Variants in HSF2 observed in about 807,000 individuals in gnomAD.
HSF2 encodes heat shock transcription factor 2, also known as heat shock factor protein 2.
HSF2 carries 21 observed loss-of-function variants against 65.0 expected under a neutral mutation model. The ratio of observed to expected loss-of-function variants is 0.32; its 90% CI spans 0.23 to 0.47. HSF2 has a LOEUF of 0.47. Ranked by LOEUF, HSF2 falls within the 20% of genes least tolerant of loss-of-function variation. The pLI is 1.00. For synonymous variants in HSF2, 225 were observed against 219.1 expected, an observed-to-expected ratio of 1.03 and a Z score of -0.24; for missense variants, 499 against 628.1, an observed-to-expected ratio of 0.79 and a Z score of 2.20.
At chr6:122,426,461 C>G (rs1237656475) in intron 10 of HSF2, among the ~76,000 whole-genome samples, 4 of 152,060 alleles carry the variant, frequency 2.6e-5, no homozygotes, top group African/African-American at 9.7e-5. Flanking sequence ...GCTTACAGTG[C>G]TGGTCCTCCT....
At chr6:122,412,352 T>G in intron 1 of HSF2, 21 bp from the exon 2 acceptor site, 2 of 611,454 alleles carry the variant, frequency 3.3e-6, no homozygotes, top group Non-Finnish European at 4.8e-6. Flanking sequence ...TTACTTTTTC[T>G]TTTTTTTTTT....
chr6:122,418,186 C>T (rs113525209), intron 5 of HSF2, among the ~76,000 whole-genome samples: 86 of 152,278 alleles, frequency 5.6e-4, no homozygotes, highest in Middle Eastern at 3.4e-3. Context: ...TTCATAGCTT[C>T]TCAGTGATAT....
At chr6:122,405,174 A>G (rs1400164068) in intron 1 of HSF2, among the ~76,000 whole-genome samples, 1 of 151,140 alleles carries the variant, frequency 6.6e-6, no homozygotes, top group Non-Finnish European at 1.5e-5. Flanking sequence ...AGTTCTGGGT[A>G]CTGGGGAGGC....
chr6:122,420,598 T>G (rs1220342487), intron 7 of HSF2, among the ~76,000 whole-genome samples: 1 of 145,204 alleles, frequency 6.9e-6, no homozygotes, highest in African/African-American at 2.5e-5. Context: ...AAACTTCATA[T>G]AAATAATATC....
chr6:122,410,953 T>TG (rs1204870743), intron 1 of HSF2, among the ~76,000 whole-genome samples: 1 of 149,402 alleles, frequency 6.7e-6, no homozygotes, highest in East Asian at 1.9e-4. Context: ...TTTGGGTTTT[T>TG]TTTTTTTTTT....
intron 7 of HSF2, among the ~76,000 whole-genome samples, 156 bp from the exon 8 acceptor site, chr6:122,421,994 A>G (rs1393796218): frequency 1.3e-5 from 2 of 152,104 alleles, no homozygotes; most frequent in Non-Finnish European, 2.9e-5. Flanking sequence ...TGCTAGTACC[A>G]ATTATTATGT....
At chr6:122,422,682 A>G in intron 8 of HSF2, 36 bp from the exon 9 acceptor site, 1 of 1,604,582 alleles carries the variant, frequency 6.2e-7, no homozygotes, top group Middle Eastern at 1.8e-4. Context: ...TTAAATTTGA[A>G]AATGTAATAG....
intron 7 of HSF2, 43 bp from the exon 8 acceptor site, chr6:122,422,107 A>G (rs767369077): frequency 8.7e-6 from 12 of 1,385,684 alleles, no homozygotes; most frequent in South Asian, 3.7e-5. Context: ...TTGGTAGTCA[A>G]TGATTTTGAT....
Position 122,399,662 on chromosome 6 carries a change from A to AGCT in HSF2, c.-70_-68dup. 8.2e-7 allele frequency: 1 copy of AGCT among 1,219,306 alleles called. No homozygotes were observed. Among genetic ancestry groups the AGCT allele is most frequent in the South Asian group, 1.3e-5 (1 of 79,694 alleles). 75.5% of individuals were successfully genotyped at this position (1,219,306 alleles called of 1,614,324 possible). A position where few individuals can be genotyped will look rare whatever the true frequency, so the allele number is the denominator to read the frequency against. On this transcript the variant is annotated 5_prime_UTR_variant, in exon 1 of 13. Coordinates refer to ENST00000368455, the MANE Select transcript of HSF2 (RefSeq NM_004506.4). ...GCCTGCGTTGTGGGCGTTCTCGGGG[A>AGCT]GCTGCTGCCGTAGCTGCCGCCGCCG...
chr6:122,402,679 A>G (rs1773765292), intron 1 of HSF2, among the ~76,000 whole-genome samples: 2 of 151,652 alleles, frequency 1.3e-5, no homozygotes, highest in Non-Finnish European at 2.9e-5. Flanking sequence ...CAGCGTCTCG[A>G]GTAGTTGTGA....
At chr6:122,409,104 A>G (rs568021565) in intron 1 of HSF2, among the ~76,000 whole-genome samples, 19 of 152,220 alleles carry the variant, frequency 1.2e-4, no homozygotes, top group African/African-American at 3.6e-4. Flanking sequence ...CTGTGGATGA[A>G]TTCTAAGGAA....
rs765012915 is a variant in HSF2, at chr6:122,399,845, C to A, written c.93+15C>A. ...CCTGGAGCCAGGTACGGTCAGGCCA[C>A]GGCGGCCTCTGAACCCCCTGAATAA... On this transcript the variant is annotated intron_variant, in intron 1 of 12. Coordinates refer to ENST00000368455, the MANE Select transcript of HSF2 (RefSeq NM_004506.4). 6 of 1,599,810 alleles carry A rather than the reference C, an allele frequency of 3.8e-6. No homozygotes were observed. The highest frequency in any genetic ancestry group is 5.1e-6 in the Non-Finnish European group (6 of 1,168,294).
In HSF2 at chr6:122,432,493, G is replaced by T; in HGVS notation, c.*273G>T. 2 of 338,026 alleles carry T rather than the reference G, an allele frequency of 5.9e-6. No homozygotes were observed. The highest frequency in any genetic ancestry group is 4.8e-5 in the South Asian group (1 of 20,854). The allele number at this position is 338,026 out of a possible 1,614,324, so 20.9% of individuals were successfully genotyped here. On this transcript the variant is annotated 3_prime_UTR_variant, in exon 13 of 13. Transcript: ENST00000368455. ...CATTTTTCTCCAATTTTGGTAAATT[G>T]GATATCTTTTTTTTACAAATACGAC...
rs535663981 is a variant in HSF2, at chr6:122,406,736, T to C, written c.94-5637T>C. On this transcript the variant is annotated intron_variant, in intron 1 of 12. Coordinates refer to ENST00000368455, the MANE Select transcript of HSF2 (RefSeq NM_004506.4). ...TGAGGAAAGATGTTAGAGATTCTTT[T>C]TGGCATATTAACTTTGAGATTAAAA... is the stretch of plus-strand genomic sequence containing the variant. Among the ~76,000 whole-genome samples, 228 of 152,300 alleles carry C rather than the reference T, an allele frequency of 1.5e-3. 3 individuals carry two copies. Among genetic ancestry groups the C allele is most frequent in the Non-Finnish European group, 2.5e-3 (167 of 68,020 alleles).
chr6:122,400,227 G>A (rs1434883512), intron 1 of HSF2, among the ~76,000 whole-genome samples: 1 of 152,266 alleles, frequency 6.6e-6, no homozygotes, highest in African/African-American at 2.4e-5. Flanking sequence ...TCGCGGAGGG[G>A]ACAGGGAGCC....
intron 1 of HSF2, among the ~76,000 whole-genome samples, chr6:122,409,098 G>A (rs1326574808): frequency 6.6e-6 from 1 of 151,936 alleles, no homozygotes; most frequent in African/African-American, 2.4e-5. Context: ...ACCCTACTGT[G>A]GATGAATTCT....
intron 1 of HSF2, among the ~76,000 whole-genome samples, chr6:122,407,665 A>G (rs1773896511): frequency 6.6e-6 from 1 of 151,560 alleles, no homozygotes. Flanking sequence ...CATATCTTCC[A>G]GTTTGTGGCT....
chr6:122,423,980 T>C (rs1324570000), intron 10 of HSF2, among the ~76,000 whole-genome samples: 1 of 152,048 alleles, frequency 6.6e-6, no homozygotes, highest in African/African-American at 2.4e-5. Context: ...CTCTTTTCTG[T>C]TTTGCTCTAG....
At chr6:122,416,624 G>C (rs1356042486) in intron 5 of HSF2, among the ~76,000 whole-genome samples, 1 of 152,078 alleles carries the variant, frequency 6.6e-6, no homozygotes, top group Non-Finnish European at 1.5e-5. Flanking sequence ...TTTAAAATTA[G>C]AAAACATAGC....
Sources: gnomAD v4.1 joint callset for allele counts (sites outside exome capture counted in the v4.1 genomes callset) on GRCh38, gnomAD v4.1.1 for gene constraint, MANE v1.5 for transcripts, NCBI Gene and HGNC (gene_info 2026-07-23, HGNC 2026-07-21) for gene names.